GNG7: variants seen among roughly 807,000 people sequenced by gnomAD.
The protein encoded by GNG7 is guanine nucleotide-binding protein G(I)/G(S)/G(O) subunit gamma-7.
GNG7 carries 1 observed loss-of-function variant against 4.0 expected under a neutral mutation model. The ratio of observed to expected loss-of-function variants is 0.25; its 90% CI spans 0.09 to 1.18. The LOEUF is 1.18. Ranked by LOEUF, GNG7 falls within the 50% of genes most tolerant of loss-of-function variation. The probability of loss-of-function intolerance (pLI) is 0.50; values close to 1 mark genes in which losing one functional copy is unlikely to be tolerated. For missense variants in GNG7, 86 were observed against 91.9 expected (o/e 0.94, Z 0.26); for synonymous variants, 34 against 36.9 (o/e 0.92, Z 0.29).
At chr19:2,647,878 AT>A (rs1458172040) in intron 1 of GNG7, among the ~76,000 whole-genome samples, 1 of 151,742 alleles carries the variant, frequency 6.6e-6, no homozygotes, top group Non-Finnish European at 1.5e-5. Flanking sequence ...AAATACAAAA[AT>A]TAGCCAGGTG....
At chr19:2,533,371 G>A (rs1978651869) in intron 3 of GNG7, among the ~76,000 whole-genome samples, 1 of 151,956 alleles carries the variant, frequency 6.6e-6, no homozygotes, top group African/African-American at 2.4e-5. Context: ...CAAAACTATG[G>A]TGATAGAAAT....
chr19:2,519,732 G>C (rs1172831266), intron 4 of GNG7, among the ~76,000 whole-genome samples: 1 of 152,012 alleles, frequency 6.6e-6, no homozygotes, highest in Non-Finnish European at 1.5e-5. Flanking sequence ...GTCCTTCCAG[G>C]AGGAGGGAAC....
At chr19:2,673,663 C>G (rs1229463887) in intron 1 of GNG7, among the ~76,000 whole-genome samples, 1 of 149,104 alleles carries the variant, frequency 6.7e-6, no homozygotes, top group South Asian at 2.1e-4. Flanking sequence ...ACTGGCACTC[C>G]AGCCTGGGTG....
chr19:2,515,286 G>A (rs1385744592), intron 4 of GNG7, 139 bp from the exon 5 acceptor site: 36 of 985,418 alleles, frequency 3.7e-5, no homozygotes, highest in East Asian at 5.1e-5. Flanking sequence ...CAAACAGTGC[G>A]GCCCGTCCAC....
intron 2 of GNG7, among the ~76,000 whole-genome samples, chr19:2,571,299 C>T (rs1459163374): frequency 1.3e-5 from 2 of 152,096 alleles, no homozygotes; most frequent in East Asian, 1.9e-4. Context: ...TTGTCGGAAC[C>T]GAGAAGGTGC....
intron 1 of GNG7, among the ~76,000 whole-genome samples, chr19:2,662,745 A>G (rs1028747377): frequency 5.9e-5 from 9 of 152,134 alleles, no homozygotes; most frequent in Non-Finnish European, 1.2e-4. Context: ...CTTCATAGGC[A>G]TGACTGATCG....
chr19:2,639,835 AAGG>A, intron 2 of GNG7, among the ~76,000 whole-genome samples: 1 of 7,644 alleles, frequency 1.3e-4, no homozygotes, highest in Non-Finnish European at 2.5e-4. Context: ...GGAGGGAGGG[AAGG>A]AGGGAGGGAA....
At chr19:2,576,504 C>G (rs1189907343) in intron 2 of GNG7, among the ~76,000 whole-genome samples, 4 of 152,180 alleles carry the variant, frequency 2.6e-5, no homozygotes, top group Non-Finnish European at 5.9e-5. Context: ...AACCAGGAAC[C>G]CTTGGGAACT....
At chr19:2,542,442 T>C (rs1978994024) in intron 3 of GNG7, among the ~76,000 whole-genome samples, 1 of 151,846 alleles carries the variant, frequency 6.6e-6, no homozygotes, top group African/African-American at 2.4e-5. Context: ...ATTTGTGCAC[T>C]GAATGTTTAT....
intron 2 of GNG7, among the ~76,000 whole-genome samples, chr19:2,628,878 G>A (rs138635930): frequency 1.4e-4 from 22 of 152,168 alleles, no homozygotes; most frequent in African/African-American, 4.3e-4. Context: ...CCGAACACAC[G>A]ACCTAACTGC....
At chr19:2,592,965 AG>A (rs556362736) in intron 2 of GNG7, among the ~76,000 whole-genome samples, 64 of 137,736 alleles carry the variant, frequency 4.6e-4, no homozygotes, top group African/African-American at 1.6e-3. Context: ...AAAGAAAGAA[AG>A]GGAGGGAGGG....
chr19:2,532,921 T>A (rs1163277786), intron 3 of GNG7, among the ~76,000 whole-genome samples: 1 of 152,170 alleles, frequency 6.6e-6, no homozygotes, highest in East Asian at 1.9e-4. Context: ...ACCTCACCTA[T>A]GACCCAGCAA....
At chr19:2,539,375 G>A (rs774548571) in intron 3 of GNG7, among the ~76,000 whole-genome samples, 14 of 149,448 alleles carry the variant, frequency 9.4e-5, no homozygotes, top group Non-Finnish European at 1.6e-4. Context: ...GCGTGATCTC[G>A]GCTCACTGCA....
At chr19:2,596,196 T>A (rs1981015460) in intron 2 of GNG7, among the ~76,000 whole-genome samples, 1 of 151,868 alleles carries the variant, frequency 6.6e-6, no homozygotes, top group African/African-American at 2.4e-5. Flanking sequence ...CCATCTCTAC[T>A]GAAAATACAA....
At chr19:2,689,824 C>T (rs574163861) in intron 1 of GNG7, among the ~76,000 whole-genome samples, 18 of 152,092 alleles carry the variant, frequency 1.2e-4, no homozygotes, top group Admixed American at 1.0e-3. Flanking sequence ...GAGATGGACT[C>T]GAGGGCCAAC....
chr19:2,520,938 G>A (rs1033371312), intron 3 of GNG7, among the ~76,000 whole-genome samples: 6 of 152,174 alleles, frequency 3.9e-5, no homozygotes, highest in Non-Finnish European at 8.8e-5. Flanking sequence ...TCCTCTGTGG[G>A]AGTTTGCAGA....
At chr19:2,519,435 T>A (rs62121674) in intron 4 of GNG7, among the ~76,000 whole-genome samples, 36,765 of 151,454 alleles carry the variant, frequency 0.24, 4,545 homozygotes, top group Middle Eastern at 0.28. Flanking sequence ...GAATTATAAG[T>A]GTGAGTCACC....
At chr19:2,694,651 T>C (rs368256646) in intron 1 of GNG7, among the ~76,000 whole-genome samples, 9 of 152,120 alleles carry the variant, frequency 5.9e-5, no homozygotes, top group African/African-American at 1.9e-4. Flanking sequence ...TCACCTCCTC[T>C]CTCCCTCCCC....
intron 2 of GNG7, among the ~76,000 whole-genome samples, chr19:2,600,147 T>C (rs1044135627): frequency 6.6e-6 from 1 of 151,980 alleles, no homozygotes; most frequent in African/African-American, 2.4e-5. Flanking sequence ...CTTGTGTTTA[T>C]GTAGATTTTA....
Sources: allele counts gnomAD v4.1 joint callset (sites outside exome capture counted in the v4.1 genomes callset), GRCh38; gene constraint gnomAD v4.1.1; transcripts MANE v1.5; gene names NCBI Gene and HGNC (gene_info 2026-07-23, HGNC 2026-07-21).